The following WNT5A variants were observed in gnomAD, a reference collection of about 807,000 sequenced individuals.
The protein encoded by WNT5A is protein Wnt-5a.
Under a neutral mutation model 42.1 loss-of-function variants are expected in WNT5A, and 9 were observed. The ratio of observed to expected loss-of-function variants is 0.21; its 90% confidence interval spans 0.13 to 0.37. The LOEUF is 0.37. WNT5A is among the 10% of genes least tolerant of loss of function. WNT5A has a pLI of 1.00. For synonymous variants in WNT5A, 210 were observed against 210.0 expected (o/e 1.00, Z 0.00); for missense variants, 426 against 534.0 (o/e 0.80, Z 1.99).
rs370022547 is a variant in WNT5A at position 55,487,001 on chromosome 3, G to A, written c.-16C>T. 5.6e-6 allele frequency: 9 copies of A among 1,611,354 alleles called. No individual in the cohort carries two copies. The East Asian group carries it at 1.8e-4, about 32-fold the overall frequency. On this transcript the variant is annotated 5_prime_UTR_variant, in exon 1 of 5. Transcript: ENST00000264634. ...CTACCTTCATGGCGAGGGGGAGGGG[G>A]CGCGGGGAGGAAGTCGCCACCCGAG...
the WNT5A span, among the ~76,000 whole-genome samples, chr3:55,504,708 C>G: frequency 6.6e-6 from 1 of 152,204 alleles, no homozygotes; most frequent in African/African-American, 2.4e-5. Context: ...AGGTGATCTG[C>G]CCACCTCGGC....
the WNT5A span, among the ~76,000 whole-genome samples, chr3:55,502,783 C>A: frequency 6.6e-6 from 1 of 152,316 alleles, no homozygotes; most frequent in Admixed American, 6.5e-5. Flanking sequence ...GGTACTGAGA[C>A]CTAATCAACC....
intron 2 of WNT5A, among the ~76,000 whole-genome samples, chr3:55,480,569 A>C (rs2106952943): frequency 6.6e-6 from 1 of 152,242 alleles, no homozygotes; most frequent in South Asian, 2.1e-4. Context: ...CTAGATTTAT[A>C]GTTTCCCATT....
chr3:55,501,879 C>T, the WNT5A span: 1 of 152,196 alleles, frequency 6.6e-6, no homozygotes, highest in Non-Finnish European at 1.5e-5. Flanking sequence ...TCCTTTCTGT[C>T]CACCTGAGTC....
chr3:55,476,493 T>C (rs577697965), intron 3 of WNT5A, among the ~76,000 whole-genome samples: 1 of 152,200 alleles, frequency 6.6e-6, no homozygotes, highest in East Asian at 1.9e-4. Context: ...TAGAACAAAG[T>C]AGCTAGAGGA....
Position 55,470,525 on chromosome 3 carries a change from G to A in WNT5A, c.710C>T (p.Ala237Val). ...RRTVYNLADV[A>V]CKCHGVSGSC... ...GCCGGACACCCCATGGCACTTGCAG[G>A]CCACATCAGCCAGGTTGTACACCGT... is the stretch of plus-strand genomic sequence containing the variant. Residue 237 changes from alanine (A) to valine (V), a missense_variant, in exon 5 of 5, where the codon GCC (alanine) becomes GTC (valine). Physicochemically the swap from Ala to Val is moderately conservative, Grantham distance 64. This residue lies in a region of WNT5A where 358 missense variants were observed against 468.1 expected (regional missense o/e 0.76). Coordinates refer to ENST00000264634, the MANE Select transcript of WNT5A (RefSeq NM_003392.7). 6.4e-7 allele frequency: 1 copy of A among 1,569,654 alleles called. No individual in the cohort carries two copies. The highest frequency in any genetic ancestry group is 8.6e-7 in the Non-Finnish European group (1 of 1,157,132).
At chr3:55,486,686 G>A (rs1391009860) in intron 1 of WNT5A, among the ~76,000 whole-genome samples, 2 of 152,214 alleles carry the variant, frequency 1.3e-5, no homozygotes, top group Non-Finnish European at 2.9e-5. Context: ...AAGGAAAGTC[G>A]TCAGTGAACC....
At chr3:55,484,585 G>A (rs1575407062) in intron 1 of WNT5A, among the ~76,000 whole-genome samples, 2 of 152,116 alleles carry the variant, frequency 1.3e-5, no homozygotes, top group South Asian at 2.1e-4. Context: ...TTCCAGGTTC[G>A]GGTATAGAGA....
At chr3:55,485,266 G>A (rs916268087) in intron 1 of WNT5A, among the ~76,000 whole-genome samples, 4 of 145,096 alleles carry the variant, frequency 2.8e-5, no homozygotes, top group Admixed American at 2.0e-4. Context: ...CGGCCAACAG[G>A]GGGCAGCCGG....
intron 1 of WNT5A, chr3:55,481,140 C>A: frequency 3.0e-6 from 2 of 676,056 alleles, no homozygotes; most frequent in Middle Eastern, 4.9e-4. Context: ...GGATCCTGTG[C>A]GCGGGGCACG....
At chr3:55,504,489 GA>G in the WNT5A span, among the ~76,000 whole-genome samples, 17 of 141,908 alleles carry the variant, frequency 1.2e-4, no homozygotes, top group Admixed American at 1.2e-3. Flanking sequence ...TTTTTTTTGA[GA>G]AAAAAAATTG....
At chr3:55,485,667 G>T (rs2051564654) in intron 1 of WNT5A, among the ~76,000 whole-genome samples, 1 of 152,134 alleles carries the variant, frequency 6.6e-6, no homozygotes, top group African/African-American at 2.4e-5. Flanking sequence ...AAGGTGGCTG[G>T]GGGGAGGGCA....
upstream of WNT5A, among the ~76,000 whole-genome samples, chr3:55,493,319 G>A (rs939843270): frequency 6.6e-6 from 1 of 152,116 alleles, no homozygotes; most frequent in Admixed American, 6.5e-5. Flanking sequence ...TCATCCACAT[G>A]CATCCTTTGT....
In WNT5A at chr3:55,469,924, TTAA is replaced by T; in HGVS notation, c.*165_*167del. ...TTATTGCCAAATAATAATTATAATA[TTAA>T]TAATAAACCACAGAGTTCTTAGATG... On this transcript the variant is annotated 3_prime_UTR_variant, in exon 5 of 5. Coordinates refer to ENST00000264634, the MANE Select transcript of WNT5A (RefSeq NM_003392.7). The T allele has an allele frequency of 1.6e-6, 1 of 640,842 alleles. No homozygotes were observed. The allele number at this position is 640,842 out of a possible 1,614,324, so 39.7% of individuals were successfully genotyped here.
chr3:55,474,907 G>A (rs2051326630), intron 3 of WNT5A, among the ~76,000 whole-genome samples: 1 of 137,770 alleles, frequency 7.3e-6, no homozygotes, highest in Non-Finnish European at 1.6e-5. Context: ...GGGGGAGGTT[G>A]GGGTAGAGGG....
At chr3:55,480,459 T>C (rs2051436377) in intron 2 of WNT5A, among the ~76,000 whole-genome samples, 1 of 152,196 alleles carries the variant, frequency 6.6e-6, no homozygotes, top group Non-Finnish European at 1.5e-5. Flanking sequence ...GTAAATTTTG[T>C]AGATAGGCTT....
rs2051501839 is a variant in WNT5A at position 55,483,109 on chromosome 3, A to T, written c.7-2191T>A. Among the ~76,000 whole-genome samples, 1 of 152,176 alleles carries T rather than the reference A, an allele frequency of 6.6e-6. No homozygotes were observed. The highest frequency in any genetic ancestry group is 1.5e-5 in the Non-Finnish European group (1 of 68,024). ...GGATCTCTTTGTTAGAGCCGAAGCC[A>T]CACAAACCGAACCCACTCCCAGCCC... On this transcript the variant is annotated intron_variant, in intron 1 of 4. Coordinates refer to ENST00000264634, the MANE Select transcript of WNT5A (RefSeq NM_003392.7). This position sits in a 1 kb window ranked among gnomAD's most constrained non-coding sequence, Gnocchi z 4.2.
chr3:55,501,808 C>A, the WNT5A span: 1 of 152,166 alleles, frequency 6.6e-6, no homozygotes, highest in African/African-American at 2.4e-5. Context: ...CTATTAATGA[C>A]CCCTCTTGTC....
the WNT5A span, among the ~76,000 whole-genome samples, chr3:55,498,700 G>T: frequency 6.6e-6 from 1 of 152,108 alleles, no homozygotes; most frequent in Non-Finnish European, 1.5e-5. Context: ...TTAAGGTAGG[G>T]GCATGTGACT....
Sources: gnomAD v4.1 joint callset for allele counts (sites outside exome capture counted in the v4.1 genomes callset) on GRCh38, gnomAD v4.1.1 for gene constraint, gnomAD v4.1.1 regional missense constraint, Gnocchi (gnomAD v3.1) non-coding constraint, MANE v1.5 for transcripts, NCBI Gene and HGNC (gene_info 2026-07-23, HGNC 2026-07-21) for gene names.